The following PTPRD variants were observed in gnomAD, a reference collection of about 807,000 sequenced individuals.
The protein encoded by PTPRD is receptor-type tyrosine-protein phosphatase delta.
A neutral mutation model predicts 214.5 loss-of-function variants in PTPRD; 34 were observed. That is an observed-to-expected ratio of 0.16 (90% CI 0.12 to 0.21). PTPRD has a LOEUF of 0.21. Among genes scored for constraint, PTPRD ranks in the 10% least tolerant of loss-of-function variants. PTPRD has a pLI of 1.00. For missense variants in PTPRD, 2,545 were observed against 2,398.7 expected (o/e 1.06, Z -1.27); for synonymous variants, 1,128 against 845.7 (o/e 1.33, Z -5.79).
At chr9:8,761,856 T>G (rs1335770170) in intron 11 of PTPRD, among the ~76,000 whole-genome samples, 3 of 152,204 alleles carry the variant, frequency 2.0e-5, no homozygotes, top group Non-Finnish European at 4.4e-5. Context: ...GTTTTAGTTT[T>G]AAATATATTT....
chr9:9,017,398 A>G (rs1005092670), intron 11 of PTPRD, among the ~76,000 whole-genome samples: 6 of 152,158 alleles, frequency 3.9e-5, no homozygotes, highest in African/African-American at 1.4e-4. Flanking sequence ...TTTGCCAGCA[A>G]ATAGCAATTA....
intron 5 of PTPRD, among the ~76,000 whole-genome samples, chr9:9,936,334 C>T (rs1045037031): frequency 2.0e-5 from 3 of 151,694 alleles, no homozygotes; most frequent in Admixed American, 6.6e-5. Flanking sequence ...ACTCATCTGA[C>T]AAAGGGCTAA....
At chr9:9,960,789 T>C (rs999234416) in intron 4 of PTPRD, among the ~76,000 whole-genome samples, 1 of 152,076 alleles carries the variant, frequency 6.6e-6, no homozygotes, top group African/African-American at 2.4e-5. Context: ...GTAATATCCA[T>C]GAACATTTAT....
chr9:9,244,987 G>A (rs1418206669), intron 9 of PTPRD, among the ~76,000 whole-genome samples: 1 of 152,158 alleles, frequency 6.6e-6, no homozygotes, highest in Non-Finnish European at 1.5e-5. Flanking sequence ...GATAAGAACA[G>A]ACACTTCTCA....
intron 3 of PTPRD, among the ~76,000 whole-genome samples, chr9:10,110,356 G>A (rs2024543231): frequency 6.6e-6 from 1 of 152,094 alleles, no homozygotes; most frequent in Non-Finnish European, 1.5e-5. Context: ...CTTAGGTTCG[G>A]TCCTTTCTTC....
intron 12 of PTPRD, among the ~76,000 whole-genome samples, chr9:8,681,343 G>A (rs1400446819): frequency 2.0e-5 from 3 of 151,972 alleles, no homozygotes; most frequent in African/African-American, 7.3e-5. Context: ...GAGAACTATA[G>A]CTAGCGAAGA....
chr9:10,545,284 C>G (rs2059949639), intron 2 of PTPRD, among the ~76,000 whole-genome samples: 1 of 152,122 alleles, frequency 6.6e-6, no homozygotes, highest in African/African-American at 2.4e-5. Context: ...TTTCCCTTCC[C>G]TGCATGCCTG....
At chr9:9,396,864 T>C (rs1230771979) in intron 9 of PTPRD, among the ~76,000 whole-genome samples, 1 of 152,158 alleles carries the variant, frequency 6.6e-6, no homozygotes, top group Non-Finnish European at 1.5e-5. Context: ...TTACCAGTAC[T>C]GTGAAAGCAC....
intron 39 of PTPRD, among the ~76,000 whole-genome samples, chr9:8,361,738 T>C (rs934155415): frequency 1.3e-5 from 2 of 152,232 alleles, no homozygotes; most frequent in Non-Finnish European, 2.9e-5. Context: ...TGATGCGTGC[T>C]TGGGGGTTCA....
chr9:8,520,125 T>C (rs1217061949), intron 20 of PTPRD, among the ~76,000 whole-genome samples: 1 of 152,192 alleles, frequency 6.6e-6, no homozygotes, highest in Non-Finnish European at 1.5e-5. Flanking sequence ...AATACAAATA[T>C]TGCTAATTAA....
intron 4 of PTPRD, among the ~76,000 whole-genome samples, chr9:10,027,582 T>C (rs1181354518): frequency 6.6e-6 from 1 of 152,238 alleles, no homozygotes; most frequent in Non-Finnish European, 1.5e-5. Flanking sequence ...AGTCAATATA[T>C]GTGGAAGCAT....
At position 10,416,607 on chromosome 9, in the gene PTPRD, T is replaced by C. The variant is rs574776052; in HGVS notation, c.-599-75590A>G. Reference sequence around the variant, plus strand: ...CAGTGAAAATTGTCAAATATAAGTTTCCAGAAAATACTAGAAAACAACTGT... The same window carrying C: ...CAGTGAAAATTGTCAAATATAAGTTCCCAGAAAATACTAGAAAACAACTGT... On this transcript the variant is annotated intron_variant, in intron 2 of 45. Coordinates refer to ENST00000381196, the MANE Select transcript of PTPRD (RefSeq NM_002839.4). Among the ~76,000 whole-genome samples, 4 of 151,816 alleles carry C rather than the reference T, an allele frequency of 2.6e-5. No homozygotes were observed. In the East Asian group the frequency reaches 7.8e-4, roughly 30 times the overall value.
At chr9:9,516,043 C>G (rs544487615) in intron 8 of PTPRD, among the ~76,000 whole-genome samples, 2 of 152,200 alleles carry the variant, frequency 1.3e-5, no homozygotes, top group Non-Finnish European at 2.9e-5. Context: ...AACTGTTGCT[C>G]AACATTCAAG....
intron 7 of PTPRD, among the ~76,000 whole-genome samples, chr9:9,666,951 A>G (rs1350478957): frequency 2.0e-5 from 3 of 151,922 alleles, no homozygotes; most frequent in Non-Finnish European, 4.4e-5. Context: ...ACTACTGATG[A>G]GTGTTTTTTG....
chr9:8,460,773 T>C (rs970442845), intron 32 of PTPRD, among the ~76,000 whole-genome samples: 13 of 152,026 alleles, frequency 8.6e-5, no homozygotes, highest in Non-Finnish European at 1.5e-4. Context: ...AATTTCCTTA[T>C]AGAGTGAACT....
rs1332293884 is a variant in PTPRD at position 8,497,269 on chromosome 9, CTGAT to C, written c.2323-5_2323-2del. 6.3e-7 allele frequency: 1 copy of C among 1,594,440 alleles called. No individual in the cohort carries two copies. Among genetic ancestry groups the C allele is most frequent in the Non-Finnish European group, 8.5e-7 (1 of 1,172,654 alleles). ...GTTCAGTAGTATCATCAAATTCCCA[CTGAT>C]TGAGAATAAGAAGGTTGGGAGGAAA... On this transcript the variant is annotated splice_acceptor_variant and splice_polypyrimidine_tract_variant and intron_variant, in intron 25 of 45. Coordinates refer to ENST00000381196, the MANE Select transcript of PTPRD (RefSeq NM_002839.4). LOFTEE classifies it high-confidence loss of function.
intron 21 of PTPRD, among the ~76,000 whole-genome samples, chr9:8,516,721 C>T (rs951514381): frequency 1.1e-4 from 17 of 150,870 alleles, no homozygotes; most frequent in Admixed American, 7.9e-4. Context: ...CCAAAACATT[C>T]GTAGATTAAT....
chr9:8,480,502 G>A (rs770019367), intron 30 of PTPRD, among the ~76,000 whole-genome samples: 1 of 152,176 alleles, frequency 6.6e-6, no homozygotes, highest in Non-Finnish European at 1.5e-5. Context: ...AGAACAATGA[G>A]AAAGGACACA....
At chr9:9,601,213 T>G (rs1314101882) in intron 7 of PTPRD, among the ~76,000 whole-genome samples, 3 of 150,652 alleles carry the variant, frequency 2.0e-5, no homozygotes, top group Non-Finnish European at 4.4e-5. Flanking sequence ...GTAATTAACT[T>G]GCTATAATAT....
Sources: gnomAD v4.1 joint callset for allele counts (sites outside exome capture counted in the v4.1 genomes callset) on GRCh38, gnomAD v4.1.1 for gene constraint, MANE v1.5 for transcripts, NCBI Gene and HGNC (gene_info 2026-07-23, HGNC 2026-07-21) for gene names.